Variants in PCLO observed in about 807,000 individuals in gnomAD.
PCLO encodes the protein protein piccolo.
In PCLO, 82 loss-of-function variants were observed where a neutral mutation model predicts 427.5. The ratio of observed to expected loss-of-function variants is 0.19; its 90% CI spans 0.16 to 0.23. The LOEUF (loss-of-function observed/expected upper bound fraction) is 0.23, where lower values mean the gene tolerates loss of function less well. Ranked by LOEUF, PCLO falls within the 10% of genes least tolerant of loss-of-function variation. The pLI is 1.00. For synonymous variants in PCLO, 2,357 were observed against 2,155.4 expected, an observed-to-expected ratio of 1.09 and a Z score of -2.59; for missense variants, 6,239 against 6,115.9, an observed-to-expected ratio of 1.02 and a Z score of -0.67.
In PCLO at chr7:82,758,689, C is replaced by A. The variant is rs575268451; in HGVS notation, c.15315G>T (p.Lys5105Asn). The part of the protein sequence containing the change: ...LQILLFSNGG[K>N]FMKKTLIGEA... ...CACCAATCAAGGTCTTTTTCATAAA[C>A]TTCCCTCCATTGGAGAAAAGTAAAA... Residue 5105 changes from lysine (K) to asparagine (N), a missense_variant, in exon 25 of 25, where the codon AAG (lysine) becomes AAT (asparagine). By Grantham distance (94) the Lys-to-Asn change is moderately conservative. Around this residue, in one of 5 missense-constraint regions of PCLO, gnomAD observed 877 missense variants for 925.5 expected, o/e 0.95. Transcript: ENST00000333891. The A allele has an allele frequency of 1.2e-6, 2 of 1,604,038 alleles. No individual in the cohort carries two copies. The highest frequency in any genetic ancestry group is 1.7e-5 in the Admixed American group (1 of 59,324).
chr7:82,990,516 T>C (rs1796353512), intron 3 of PCLO, among the ~76,000 whole-genome samples: 1 of 152,164 alleles, frequency 6.6e-6, no homozygotes. Context: ...TTTACTGAGA[T>C]AATGAATGGG....
At chr7:82,869,601 C>T (rs1432877096) in intron 10 of PCLO, among the ~76,000 whole-genome samples, 1 of 151,942 alleles carries the variant, frequency 6.6e-6, no homozygotes, top group African/African-American at 2.4e-5. Context: ...AAAGATGTTA[C>T]AATTAAAACA....
chr7:82,914,798 G>C lies in PCLO; in HGVS notation c.13188C>G (p.His4396Gln). 6.2e-7 allele frequency: 1 copy of C among 1,613,440 alleles called. No homozygotes were observed. Among genetic ancestry groups the C allele is most frequent in the South Asian group, 1.1e-5 (1 of 91,068 alleles). Residue 4396 changes from histidine to glutamine, a missense_variant, in exon 7 of 25, where the codon CAC becomes CAG. His to Gln is a conservative substitution (Grantham distance 24, BLOSUM62 0). This residue lies in a region of PCLO where 877 missense variants were observed against 925.5 expected (regional missense o/e 0.95). Transcript: ENST00000333891. ...ADTRDQFGSS[H>Q]SLPEVQQHMR... is the part of the protein sequence containing the mutation. ...TGTGTTGCTGAACTTCAGGCAATGA[G>C]TGGCTTGATCCAAACTGATCCCTGG...
Position 83,156,324 on chromosome 7 carries a change from G to A in PCLO, c.317C>T (p.Ala106Val). 1 of 1,613,238 alleles carries A rather than the reference G, an allele frequency of 6.2e-7. No homozygotes were observed. The highest frequency in any genetic ancestry group is 8.5e-7 in the Non-Finnish European group (1 of 1,179,682). ...SGRPPDPGRP[A>V]QPGLSKSRTT... ...TCTACTTTTACTGAGACCAGGTTGA[G>A]CTGGACGCCCAGGGTCCGGGGGTCT... The change falls in exon 2 of 25, where the codon GCT becomes GTT. Residue 106 changes from alanine (A) to valine (V), a missense_variant. By Grantham distance (64) the Ala-to-Val change is moderately conservative. Coordinates refer to ENST00000333891, the MANE Select transcript of PCLO (RefSeq NM_033026.6).
At chr7:82,853,514 T>G (rs1368639578) in intron 10 of PCLO, among the ~76,000 whole-genome samples, 2 of 152,154 alleles carry the variant, frequency 1.3e-5, no homozygotes, top group Non-Finnish European at 2.9e-5. Flanking sequence ...GAAATCTTAA[T>G]TGGTTTAAAA....
In PCLO at chr7:82,953,490, G is replaced by A. The variant is rs1310818966; in HGVS notation, c.7463C>T (p.Pro2488Leu). The A allele has an allele frequency of 6.2e-7, 1 of 1,613,580 alleles. No homozygotes were observed. The highest frequency in any genetic ancestry group is 1.7e-5 in the Admixed American group (1 of 59,952). Residue 2488 changes from proline (P) to leucine (L), a missense_variant, in exon 5 of 25, where the codon CCT becomes CTT. Physicochemically the swap from Pro to Leu is moderately conservative, Grantham distance 98. Transcript: ENST00000333891. The part of the protein sequence containing the change: ...ICTTAPPPVP[P>L]KPSSIPSGLV... ...TCCAGATGGAATTGAAGATGGCTTA[G>A]GAGGAACAGGAGGAGGTGCAGTAGT... is the stretch of plus-strand genomic sequence containing the variant.
chr7:83,106,967 T>C (rs1468352621), intron 3 of PCLO, among the ~76,000 whole-genome samples: 1 of 151,982 alleles, frequency 6.6e-6, no homozygotes, highest in Non-Finnish European at 1.5e-5. Context: ...GCTCATTAAG[T>C]AGTGTGATTT....
At chr7:82,947,692 T>C (rs563506063) in intron 6 of PCLO, among the ~76,000 whole-genome samples, 1 of 152,266 alleles carries the variant, frequency 6.6e-6, no homozygotes, top group Admixed American at 6.5e-5. Context: ...GAATTGTGCT[T>C]TGAGGCTCAA....
intron 3 of PCLO, among the ~76,000 whole-genome samples, chr7:82,984,724 G>A (rs1332879770): frequency 6.6e-6 from 1 of 151,928 alleles, no homozygotes; most frequent in Non-Finnish European, 1.5e-5. Context: ...TAATTTGGGT[G>A]TAATATAACA....
chr7:82,958,696 A>G (rs970469515), intron 4 of PCLO, among the ~76,000 whole-genome samples: 32 of 152,172 alleles, frequency 2.1e-4, no homozygotes, highest in African/African-American at 6.3e-4. Context: ...AGAATTTCTT[A>G]TCTGCAGTTG....
intron 21 of PCLO, among the ~76,000 whole-genome samples, chr7:82,802,057 TTTC>T (rs1349271818): frequency 6.6e-6 from 1 of 151,972 alleles, no homozygotes; most frequent in African/African-American, 2.4e-5. Context: ...TAATAAAATA[TTTC>T]TTATTTCATG....
rs756646613 is a variant in PCLO, at chr7:82,953,547, C to A, written c.7406G>T (p.Arg2469Ile). The change falls in exon 5 of 25, where the codon AGA (arginine) becomes ATA (isoleucine). Residue 2469 changes from arginine (R) to isoleucine (I), a missense_variant. Around this residue, in one of 5 missense-constraint regions of PCLO, gnomAD observed 4,677 missense variants for 4,468.4 expected, o/e 1.05. Transcript: ENST00000333891. Reference protein sequence around the residue: ...VTTLETTAVLRSNGLPVTRIC... With the variant: ...VTTLETTAVLISNGLPVTRIC... The stretch of plus-strand genomic sequence containing the variant: ...TCTTGTAACAGGTAATCCATTACTT[C>A]TCAGAACAGCTGTGGTCTCTAGAGT... The A allele has an allele frequency of 1.2e-6, 2 of 1,613,144 alleles. No individual in the cohort carries two copies. Among genetic ancestry groups the A allele is most frequent in the East Asian group, 4.5e-5 (2 of 44,830 alleles).
rs1794834777 is a variant in PCLO, at chr7:82,931,271, T to C, written c.11113-14398A>G. Among the ~76,000 whole-genome samples the C allele has an allele frequency of 2.6e-5, 4 of 152,130 alleles. No homozygotes were observed. In the South Asian group the frequency reaches 8.3e-4, roughly 31 times the overall value. ...ACTGCATGGCATATAAGATTTGAAT[T>C]GGGGAAATGAAGAGATTTGAGGAGA... On this transcript the variant is annotated intron_variant, in intron 6 of 24. Transcript: ENST00000333891.
At chr7:82,810,305 G>A (rs890691253) in intron 20 of PCLO, among the ~76,000 whole-genome samples, 1 of 151,644 alleles carries the variant, frequency 6.6e-6, no homozygotes, top group Non-Finnish European at 1.5e-5. Context: ...TACTATGTGT[G>A]AATGTATTAC....
chr7:82,914,382 G>A, intron 7 of PCLO: 1 of 520,448 alleles, frequency 1.9e-6, no homozygotes, highest in Non-Finnish European at 3.4e-6. Context: ...GGATTTATAG[G>A]ATGACCATAT....
chr7:82,936,068 A>G (rs1466567237), intron 6 of PCLO, among the ~76,000 whole-genome samples: 1 of 151,768 alleles, frequency 6.6e-6, no homozygotes, highest in Non-Finnish European at 1.5e-5. Context: ...CACTGTAAAC[A>G]GTAGACCTCG....
In PCLO at chr7:82,955,940, C is replaced by T. The variant is rs1187857054; in HGVS notation, c.5013G>A (p.Glu1671=). 1.2e-6 allele frequency: 2 copies of T among 1,613,822 alleles called. No homozygotes were observed. Among genetic ancestry groups the T allele is most frequent in the Non-Finnish European group, 1.7e-6 (2 of 1,179,862 alleles). Residue 1671 remains glutamate (E), a synonymous_variant, in exon 5 of 25, where the codon GAG becomes GAA. Coordinates refer to ENST00000333891, the MANE Select transcript of PCLO (RefSeq NM_033026.6). ...GGGLRRFKTI[E]LNSTIADKYS... is the part of the protein sequence containing the mutation. ...ATTTATCTGCTATTGTACTGTTGAG[C>T]TCAATTGTTTTAAATCGGCGTAGCC...
At chr7:83,049,074 C>A (rs1789171046) in intron 3 of PCLO, among the ~76,000 whole-genome samples, 1 of 152,104 alleles carries the variant, frequency 6.6e-6, no homozygotes, top group African/African-American at 2.4e-5. Flanking sequence ...TAGCCACCAG[C>A]TGCTGTTTTT....
chr7:83,007,298 A>C lies in PCLO; in HGVS notation c.3301-40811T>G, dbSNP rs376032671. Reference sequence around the variant, plus strand: ...ATGCAAAATGATGTCTTGAGAGAACACTTGAAAAATTATAAAATAAGGTAA... The same window carrying C: ...ATGCAAAATGATGTCTTGAGAGAACCCTTGAAAAATTATAAAATAAGGTAA... On this transcript the variant is annotated intron_variant, in intron 3 of 24. Coordinates refer to ENST00000333891, the MANE Select transcript of PCLO (RefSeq NM_033026.6). Among the ~76,000 whole-genome samples the C allele has an allele frequency of 1.1e-4, 16 of 151,586 alleles. 1 individual carries two copies. The highest frequency in any genetic ancestry group is 7.7e-4 in the East Asian group (4 of 5,182).
Sources: allele counts gnomAD v4.1 joint callset (sites outside exome capture counted in the v4.1 genomes callset), GRCh38; gene constraint gnomAD v4.1.1; regional missense constraint gnomAD v4.1.1; transcripts MANE v1.5; gene names NCBI Gene and HGNC (gene_info 2026-07-23, HGNC 2026-07-21).